Variants in TAL1 observed in about 807,000 individuals in gnomAD.
TAL1 encodes the protein TAL bHLH transcription factor 1, erythroid differentiation factor.
Under a neutral mutation model 17.9 loss-of-function variants are expected in TAL1, and 8 were observed. That is an observed-to-expected ratio of 0.45 (90% CI 0.26 to 0.81). The LOEUF is 0.81. Among genes scored for constraint, TAL1 ranks in the 30% least tolerant of loss-of-function variants. The pLI is 0.17. For synonymous variants in TAL1, 223 were observed against 218.6 expected, an observed-to-expected ratio of 1.02 and a Z score of -0.18; for missense variants, 466 against 486.9, an observed-to-expected ratio of 0.96 and a Z score of 0.40.
upstream of TAL1, chr1:47,231,647 C>G (rs41289404): frequency 0.016 from 3,837 of 233,962 alleles, 34 homozygotes; most frequent in Middle Eastern, 0.033. Flanking sequence ...GGCCACACAC[C>G]CCCACACACA....
intron 3 of TAL1, chr1:47,223,729 G>T: frequency 2.8e-6 from 1 of 356,246 alleles, no homozygotes; most frequent in East Asian, 4.7e-5. Flanking sequence ...CCAAAGGTTT[G>T]GGAACTAACT....
chr1:47,222,415 T>G (rs1643833628), intron 3 of TAL1, among the ~76,000 whole-genome samples: 1 of 152,106 alleles, frequency 6.6e-6, no homozygotes, highest in Non-Finnish European at 1.5e-5. Context: ...AATATTGCCC[T>G]CATGAGCTTG....
chr1:47,223,712 A>G (rs1404793887), intron 3 of TAL1: 2 of 305,332 alleles, frequency 6.6e-6, no homozygotes, highest in Non-Finnish European at 1.2e-5. Flanking sequence ...GGGGACTGGA[A>G]CTAACTCCAA....
At chr1:47,232,116 G>T (rs1644026036), upstream of TAL1, 1 of 227,166 alleles carries the variant, frequency 4.4e-6, no homozygotes, top group African/African-American at 2.2e-5. Context: ...TGAAGAATTC[G>T]GTGGGAGGCC....
chr1:47,218,781 C>T (rs1311944391), exon 4 of TAL1: 3 of 233,528 alleles, frequency 1.3e-5, no homozygotes, highest in Non-Finnish European at 2.5e-5. Context: ...GCAAAGAAAT[C>T]CCTCTAAGCA....
exon 2 of TAL1, chr1:47,225,722 G>T (rs775335219): frequency 6.7e-7 from 1 of 1,488,250 alleles, no homozygotes; most frequent in South Asian, 1.3e-5. Flanking sequence ...GCCTCCGCGC[G>T]CGCCCAGTTC....
chr1:47,228,043 C>T (rs895931443), intron 1 of TAL1: 1 of 152,544 alleles, frequency 6.6e-6, no homozygotes, highest in African/African-American at 2.4e-5. Flanking sequence ...TAGGCTCCTG[C>T]TCTAGCGGTG....
upstream of TAL1, among the ~76,000 whole-genome samples, chr1:47,231,951 A>C (rs1345333019): frequency 6.6e-6 from 1 of 152,178 alleles, no homozygotes; most frequent in Non-Finnish European, 1.5e-5. Flanking sequence ...GGAAGGAAGG[A>C]AGAGAGTCTC....
In TAL1 at chr1:47,225,432, T is replaced by C. The variant is rs1643892096; in HGVS notation, c.446+11A>G. 2 of 1,228,198 alleles carry C rather than the reference T, an allele frequency of 1.6e-6. No homozygotes were observed. The highest frequency in any genetic ancestry group is 2.0e-6 in the Non-Finnish European group (2 of 985,880). The allele number at this position is 1,228,198 out of a possible 1,614,324, so 76.1% of individuals were successfully genotyped here. ...CGCCCAGCCCCTGGCCCCTGGCCCC[T>C]GGCCCCTGACCTGCCGAGAGAGGCC... On this transcript the variant is annotated intron_variant, in intron 2 of 3. Transcript: ENST00000294339.
rs1643818330 is a variant in TAL1, at chr1:47,221,877, A to G, written c.542-1703T>C. Among the ~76,000 whole-genome samples, 3 of 152,194 alleles carry G rather than the reference A, an allele frequency of 2.0e-5. No individual in the cohort carries two copies. The South Asian group carries it at 6.2e-4, about 31-fold the overall frequency. The stretch of plus-strand genomic sequence containing the variant: ...TACACGCACACAGGCATGCACATGC[A>G]TGTGTGGGTGTTCACACACACACAC... On this transcript the variant is annotated intron_variant, in intron 3 of 3. Transcript: ENST00000294339.
chr1:47,219,683 G>T, exon 4 of TAL1: 1 of 1,603,644 alleles, frequency 6.2e-7, no homozygotes, highest in South Asian at 1.1e-5. Context: ...AGCAGCCTAA[G>T]AACGCCCTCC....
chr1:47,223,412 CG>C (rs1557676859), intron 3 of TAL1: 1 of 152,398 alleles, frequency 6.6e-6, no homozygotes, highest in Non-Finnish European at 1.5e-5. Context: ...AGGCCCTTCT[CG>C]GGGAATCCAG....
chr1:47,229,472 ACCAGT>A (rs1426703907), exon 1 of TAL1: 1 of 175,140 alleles, frequency 5.7e-6, no homozygotes, highest in Non-Finnish European at 1.2e-5. Flanking sequence ...TCCCCGACCA[ACCAGT>A]CCAGGGAATC....
chr1:47,225,959 G>A (rs1643904736), intron 1 of TAL1, 70 bp from the exon 3 acceptor site: 3 of 1,481,210 alleles, frequency 2.0e-6, no homozygotes, highest in African/African-American at 1.5e-5. Flanking sequence ...ACGTGGGCTG[G>A]GGTAAAGGGG....
exon 4 of TAL1, chr1:47,219,633 G>T: frequency 6.4e-7 from 1 of 1,570,464 alleles, no homozygotes. Flanking sequence ...CTTCAGAGCC[G>T]CCCAATTCTC....
chr1:47,222,903 C>T (rs1400376463), intron 3 of TAL1, among the ~76,000 whole-genome samples: 1 of 152,180 alleles, frequency 6.6e-6, no homozygotes, highest in African/African-American at 2.4e-5. Context: ...AGGGCTGGTC[C>T]TGTCTTCTTC....
chr1:47,219,908 C>A, exon 4 of TAL1: 4 of 1,507,062 alleles, frequency 2.7e-6, no homozygotes, highest in Middle Eastern at 2.5e-4. Context: ...CCCCCTCCCC[C>A]ACCTCCACCC....
At position 47,225,685 on chromosome 1, in the gene TAL1, GC is replaced by G; in HGVS notation, c.203del (p.Gly68AlafsTer7). On this transcript the variant is annotated frameshift_variant, in exon 2 of 4. Coordinates refer to ENST00000294339, the Ensembl canonical transcript of TAL1. LOFTEE classifies it high-confidence loss of function. ...GGCCCTTTAAGTCTCTCGCGGCGCC[GC>G]CCCCACCGGCAGGGCCGCCCCCCGG... 2.8e-6 allele frequency: 4 copies of G among 1,426,408 alleles called. No individual in the cohort carries two copies. Among genetic ancestry groups the G allele is most frequent in the South Asian group, 2.9e-5 (2 of 69,546 alleles). 88.4% of individuals were successfully genotyped at this position (1,426,408 alleles called of 1,614,324 possible).
At chr1:47,231,213 C>T (rs1382021974), upstream of TAL1, 1 of 181,354 alleles carries the variant, frequency 5.5e-6, no homozygotes, top group Non-Finnish European at 1.2e-5. Flanking sequence ...GCAGAGCAGC[C>T]GCCGACCGGG....
Sources: gnomAD v4.1 joint callset for allele counts (sites outside exome capture counted in the v4.1 genomes callset) on GRCh38, gnomAD v4.1.1 for gene constraint, MANE v1.5 for transcripts, NCBI Gene and HGNC (gene_info 2026-07-23, HGNC 2026-07-21) for gene names.